The following MLLT10 variants were observed in gnomAD, a reference collection of about 807,000 sequenced individuals.
The protein encoded by MLLT10 is MLLT10 histone lysine methyltransferase DOT1L cofactor.
A neutral mutation model predicts 129.1 loss-of-function variants in MLLT10; 30 were observed. The observed-to-expected ratio is 0.23, with a 90% CI of 0.17 to 0.32. The LOEUF is 0.32. Ranked by LOEUF, MLLT10 falls within the 10% of genes least tolerant of loss-of-function variation. The pLI is 1.00. For missense variants in MLLT10, 1,119 were observed against 1,268.3 expected (o/e 0.88, Z 1.79); for synonymous variants, 490 against 446.4 (o/e 1.10, Z -1.23).
intron 3 of MLLT10, among the ~76,000 whole-genome samples, chr10:21,563,368 C>CA (rs2039106508): frequency 6.6e-6 from 1 of 151,898 alleles, no homozygotes; most frequent in African/African-American, 2.4e-5. Context: ...ACTAAAAATA[C>CA]AAAAATTAGC....
At chr10:21,677,965 A>G (rs1198658222) in intron 11 of MLLT10, among the ~76,000 whole-genome samples, 1 of 152,200 alleles carries the variant, frequency 6.6e-6, no homozygotes, top group Non-Finnish European at 1.5e-5. Context: ...ACATTATTTT[A>G]AGAAATGAAT....
chr10:21,626,820 G>A (rs1258945937), intron 8 of MLLT10, among the ~76,000 whole-genome samples: 1 of 152,100 alleles, frequency 6.6e-6, no homozygotes, highest in African/African-American at 2.4e-5. Flanking sequence ...TTGGAATTTT[G>A]TGCTCAAGTT....
intron 13 of MLLT10, chr10:21,688,418 C>A: frequency 7.8e-7 from 1 of 1,284,698 alleles, no homozygotes; most frequent in Non-Finnish European, 1.1e-6. Context: ...TTCAGTTTTT[C>A]AACTTGTCTG....
chr10:21,687,125 G>A (rs1156700950), intron 13 of MLLT10, among the ~76,000 whole-genome samples: 4 of 152,054 alleles, frequency 2.6e-5, no homozygotes, highest in African/African-American at 7.2e-5. Flanking sequence ...AGACAACTGC[G>A]CTCACTAAAC....
chr10:21,636,321 C>T (rs1035183357), intron 8 of MLLT10, among the ~76,000 whole-genome samples: 2 of 152,098 alleles, frequency 1.3e-5, no homozygotes, highest in Admixed American at 6.6e-5. Flanking sequence ...TGGAGTCTCC[C>T]TATGTTGCTT....
chr10:21,566,071 G>A (rs1334710470), intron 3 of MLLT10, among the ~76,000 whole-genome samples: 3 of 147,390 alleles, frequency 2.0e-5, no homozygotes, highest in Non-Finnish European at 4.4e-5. Context: ...TCCTGACTCA[G>A]CCTCCAGAGT....
At chr10:21,592,717 G>T (rs1233150913) in intron 4 of MLLT10, among the ~76,000 whole-genome samples, 2 of 152,108 alleles carry the variant, frequency 1.3e-5, no homozygotes, top group Non-Finnish European at 2.9e-5. Context: ...GCCCGCCTTG[G>T]CCTTCCAAAG....
chr10:21,738,633 C>G (rs970541262), intron 21 of MLLT10: 11 of 923,268 alleles, frequency 1.2e-5, no homozygotes, highest in Non-Finnish European at 1.4e-5. Context: ...CCCCAGATGA[C>G]TTGCATGTTT....
intron 2 of MLLT10, among the ~76,000 whole-genome samples, chr10:21,536,428 A>T (rs1337982196): frequency 6.6e-6 from 1 of 152,224 alleles, no homozygotes; most frequent in Admixed American, 6.5e-5. Flanking sequence ...GATAATTTCT[A>T]TGTCCCAATA....
chr10:21,670,728 A>G, intron 10 of MLLT10, 24 bp downstream of exon 10: 1 of 1,594,626 alleles, frequency 6.3e-7, no homozygotes, highest in Non-Finnish European at 8.5e-7. Context: ...TTTAGTTAAA[A>G]TACTTGTGTT....
At chr10:21,577,461 G>GTT (rs34503343) in intron 3 of MLLT10, among the ~76,000 whole-genome samples, 71 of 126,536 alleles carry the variant, frequency 5.6e-4, no homozygotes, top group Non-Finnish European at 7.8e-4. Context: ...ATAGATGAAG[G>GTT]TTTTTTTTTT....
intron 22 of MLLT10, among the ~76,000 whole-genome samples, chr10:21,740,694 G>A (rs1428804306): frequency 6.6e-6 from 1 of 152,176 alleles, no homozygotes; most frequent in Non-Finnish European, 1.5e-5. Flanking sequence ...GTAAATCACA[G>A]TCACATCTGT....
At chr10:21,541,901 A>G (rs2035226904) in intron 3 of MLLT10, among the ~76,000 whole-genome samples, 2 of 152,198 alleles carry the variant, frequency 1.3e-5, no homozygotes, top group Non-Finnish European at 2.9e-5. Flanking sequence ...TTCTAGTGTG[A>G]TTTAGCAAAT....
chr10:21,557,981 G>A (rs1290466139), intron 3 of MLLT10, among the ~76,000 whole-genome samples: 1 of 113,860 alleles, frequency 8.8e-6, no homozygotes, highest in East Asian at 2.4e-4. Flanking sequence ...ACAGAGTCTC[G>A]CTCTTTTGCC....
Position 21,640,200 on chromosome 10 carries a change from T to A in MLLT10, c.700-11473T>A, listed in dbSNP as rs2047851796. Reference sequence around the variant, plus strand: ...AATATCAAATATTATTATATAATATTTATATATTATATTATATTATATATT... The same window carrying A: ...AATATCAAATATTATTATATAATATATATATATTATATTATATTATATATT... On this transcript the variant is annotated intron_variant, in intron 8 of 22. Coordinates refer to ENST00000307729, the MANE Select transcript of MLLT10 (RefSeq NM_001195626.3). Among the ~76,000 whole-genome samples, 3 of 144,168 alleles carry A rather than the reference T, an allele frequency of 2.1e-5. No homozygotes were observed. The South Asian group carries it at 6.3e-4, about 30-fold the overall frequency. 94.6% of individuals were successfully genotyped at this position (144,168 alleles called of 152,430 possible). A position where few individuals can be genotyped will look rare whatever the true frequency, so the allele number is the denominator to read the frequency against.
At chr10:21,657,336 T>C (rs1219582889) in intron 9 of MLLT10, among the ~76,000 whole-genome samples, 1 of 135,296 alleles carries the variant, frequency 7.4e-6, no homozygotes, top group East Asian at 2.1e-4. Context: ...GAGGTTGCAG[T>C]GAGCCAAGAT....
chr10:21,658,618 G>A (rs1329279972), intron 9 of MLLT10, among the ~76,000 whole-genome samples: 1 of 152,166 alleles, frequency 6.6e-6, no homozygotes, highest in African/African-American at 2.4e-5. Flanking sequence ...ATACCAAGGA[G>A]TGGAATGGTT....
chr10:21,594,444 T>C (rs1216276374), intron 4 of MLLT10, among the ~76,000 whole-genome samples: 2 of 150,324 alleles, frequency 1.3e-5, no homozygotes, highest in Non-Finnish European at 2.9e-5. Context: ...AGCTACTGGG[T>C]CATTTGTATT....
chr10:21,589,871 G>A (rs1388577514), intron 4 of MLLT10, among the ~76,000 whole-genome samples: 1 of 151,844 alleles, frequency 6.6e-6, no homozygotes, highest in Non-Finnish European at 1.5e-5. Context: ...AAAATTATAG[G>A]GACATTCCTT....
Sources: allele counts gnomAD v4.1 joint callset (sites outside exome capture counted in the v4.1 genomes callset), GRCh38; gene constraint gnomAD v4.1.1; transcripts MANE v1.5; gene names NCBI Gene and HGNC (gene_info 2026-07-23, HGNC 2026-07-21).